The following MAP1B variants were observed in gnomAD, a reference collection of about 807,000 sequenced individuals.
MAP1B encodes the protein microtubule associated protein 1B.
In MAP1B, 12 loss-of-function variants were observed where a neutral mutation model predicts 176.1. The ratio of observed to expected loss-of-function variants is 0.07; its 90% CI spans 0.04 to 0.11. The LOEUF is 0.11. MAP1B is among the 10% of genes least tolerant of loss of function. The pLI is 1.00. For missense variants in MAP1B, 2,523 were observed against 2,990.5 expected, an observed-to-expected ratio of 0.84 and a Z score of 3.65; for synonymous variants, 1,044 against 1,135.0, an observed-to-expected ratio of 0.92 and a Z score of 1.61.
chr5:72,196,097 C>G lies in MAP1B; in HGVS notation c.2742C>G (p.Pro914=). 2 of 1,613,922 alleles carry G rather than the reference C, an allele frequency of 1.2e-6. No homozygotes were observed. Among genetic ancestry groups the G allele is most frequent in the Non-Finnish European group, 1.7e-6 (2 of 1,179,990 alleles). The change falls in exon 5 of 7, where the codon CCC becomes CCG. Residue 914 remains proline (P), a synonymous_variant. Transcript: ENST00000296755. The surrounding 1 kb of genome is among the most constrained non-coding windows in gnomAD (Gnocchi z 5.3). ...ECEQTPEELE[P]VEKQGVDDIE... is the part of the protein sequence containing the mutation. ...AACAGACACCTGAGGAGCTGGAGCC[C>G]GTCGAGAAGCAGGGAGTAGACGACA...
chr5:72,191,930 C>A (rs567130042), intron 4 of MAP1B, among the ~76,000 whole-genome samples: 1 of 152,194 alleles, frequency 6.6e-6, no homozygotes, highest in Admixed American at 6.5e-5. Context: ...GTCTTTCTAC[C>A]TTCTGCTTCA....
chr5:72,161,880 C>A (rs1284912041), intron 2 of MAP1B, among the ~76,000 whole-genome samples: 1 of 149,760 alleles, frequency 6.7e-6, no homozygotes, highest in Non-Finnish European at 1.5e-5. Context: ...TTGCTTGAAC[C>A]CGGGAGGCGG....
chr5:72,170,231 CAAGGGCCT>C (rs56740748), intron 2 of MAP1B, among the ~76,000 whole-genome samples: 8,159 of 152,130 alleles, frequency 0.054, 494 homozygotes, highest in African/African-American at 0.15. Context: ...ATTTAAAAGC[CAAGGGCCT>C]GCATCCTATC....
rs34160030 is a variant in MAP1B, at chr5:72,199,585, G to A, written c.6230G>A (p.Arg2077His). The A allele has an allele frequency of 1.0e-4, 161 of 1,614,146 alleles. 1 individual carries two copies. Among genetic ancestry groups the A allele is most frequent in the Middle Eastern group, 8.2e-4 (5 of 6,062 alleles). Residue 2077 changes from arginine (R) to histidine (H), a missense_variant, in exon 5 of 7, where the codon CGT becomes CAT. By Grantham distance (29) the Arg-to-His change is conservative (BLOSUM62 0). Coordinates refer to ENST00000296755, the MANE Select transcript of MAP1B (RefSeq NM_005909.5). This position sits in a 1 kb window ranked among gnomAD's most constrained non-coding sequence, Gnocchi z 4.2. ...TAEKKSPSEA[R>H]QDVDLCLVSS... Reference sequence around the variant, plus strand: ...GAAAAGAAGTCCCCCTCAGAAGCCCGTCAGGATGTCGATTTATGCCTCGTG... The same window carrying A: ...GAAAAGAAGTCCCCCTCAGAAGCCCATCAGGATGTCGATTTATGCCTCGTG...
At chr5:72,175,652 G>A (rs1294439869) in intron 2 of MAP1B, among the ~76,000 whole-genome samples, 1 of 152,146 alleles carries the variant, frequency 6.6e-6, no homozygotes, top group Non-Finnish European at 1.5e-5. Flanking sequence ...AGAAAAAAAG[G>A]AAGAGGAAAA....
chr5:72,116,550 G>C, intron 2 of MAP1B: 1 of 314,314 alleles, frequency 3.2e-6, no homozygotes. Flanking sequence ...CGCTGGAGAT[G>C]TATTCATACT....
At position 72,197,534 on chromosome 5, in the gene MAP1B, A is replaced by G. The variant is rs932235657; in HGVS notation, c.4179A>G (p.Lys1393=). The G allele has an allele frequency of 1.9e-6, 3 of 1,614,066 alleles. No individual in the cohort carries two copies. The highest frequency in any genetic ancestry group is 2.7e-5 in the African/African-American group (2 of 74,912). ...PVPDSESPIE[K]VLSPLRSPPL... is the part of the protein sequence containing the mutation. ...CTGACTCAGAGTCTCCTATTGAAAA[A>G]GTTTTGTCTCCTTTACGCAGCCCGC... Residue 1393 remains lysine, a synonymous_variant, in exon 5 of 7, where the codon AAA becomes AAG. Coordinates refer to ENST00000296755, the MANE Select transcript of MAP1B (RefSeq NM_005909.5).
intron 2 of MAP1B, among the ~76,000 whole-genome samples, chr5:72,119,501 TTTG>T (rs546834038): frequency 6.6e-6 from 1 of 152,054 alleles, no homozygotes; most frequent in Non-Finnish European, 1.5e-5. Flanking sequence ...GCAACAGTCT[TTTG>T]TTGTTGTTGT....
At chr5:72,137,243 GTGAATTCAA>G (rs1445778806) in intron 2 of MAP1B, among the ~76,000 whole-genome samples, 6 of 152,148 alleles carry the variant, frequency 3.9e-5, no homozygotes, top group Admixed American at 1.3e-4. Flanking sequence ...ACATATATGA[GTGAATTCAA>G]TGACCTATTG....
chr5:72,130,443 G>T (rs1047107793), intron 2 of MAP1B, among the ~76,000 whole-genome samples: 4 of 152,210 alleles, frequency 2.6e-5, no homozygotes, highest in African/African-American at 9.6e-5. Context: ...AATGAATGAT[G>T]AGGTGTCATA....
chr5:72,165,544 A>G (rs1561303453), intron 2 of MAP1B, among the ~76,000 whole-genome samples: 4 of 152,108 alleles, frequency 2.6e-5, no homozygotes. Flanking sequence ...AGAACAACCA[A>G]CAGTCCTGTT....
intron 2 of MAP1B, among the ~76,000 whole-genome samples, chr5:72,182,817 C>T (rs1009781391): frequency 6.6e-6 from 1 of 152,152 alleles, no homozygotes; most frequent in Non-Finnish European, 1.5e-5. Flanking sequence ...TCCCACATTT[C>T]GGAGAGAACA....
rs570251775 is a variant in MAP1B at position 72,186,182 on chromosome 5, G to A, written c.370-432G>A. Among the ~76,000 whole-genome samples, 5 of 152,138 alleles carry A rather than the reference G, an allele frequency of 3.3e-5. No homozygotes were observed. The highest frequency in any genetic ancestry group is 7.4e-5 in the Non-Finnish European group (5 of 68,022). On this transcript the variant is annotated intron_variant, in intron 3 of 6. Coordinates refer to ENST00000296755, the MANE Select transcript of MAP1B (RefSeq NM_005909.5). The surrounding 1 kb of genome is among the most constrained non-coding windows in gnomAD (Gnocchi z 4.3). ...TACTGAGGAGGCCACTGGGGAACCT[G>A]GACTGTACATGGTGATTCAGCCTGT... is the stretch of plus-strand genomic sequence containing the variant.
At chr5:72,187,849 G>C (rs980323797) in intron 4 of MAP1B, among the ~76,000 whole-genome samples, 3 of 152,202 alleles carry the variant, frequency 2.0e-5, no homozygotes, top group African/African-American at 7.2e-5. Context: ...CAGCCACTGG[G>C]GTGGGGAGAA....
chr5:72,108,801 C>T (rs1392925440), intron 1 of MAP1B, among the ~76,000 whole-genome samples: 1 of 152,204 alleles, frequency 6.6e-6, no homozygotes, highest in Non-Finnish European at 1.5e-5. Flanking sequence ...CTTTGTTGCC[C>T]TGGGAGTCCC....
Position 72,208,913 on chromosome 5 carries a change from A to T in MAP1B, c.*3674A>T, listed in dbSNP as rs1182342029. The T allele has an allele frequency of 6.6e-6, 1 of 151,770 alleles. No individual in the cohort carries two copies. Among genetic ancestry groups the T allele is most frequent in the East Asian group, 1.9e-4 (1 of 5,174 alleles). 9.4% of individuals were successfully genotyped at this position (151,770 alleles called of 1,614,324 possible). On this transcript the variant is annotated 3_prime_UTR_variant, in exon 7 of 7. Coordinates refer to ENST00000296755, the MANE Select transcript of MAP1B (RefSeq NM_005909.5). ...ATAACTTTTTTTTTTTGTGCTTCAG[A>T]TTTAGAAGAAAAGATCCTGTTTCCA...
At chr5:72,140,758 A>G (rs1015496045) in intron 2 of MAP1B, among the ~76,000 whole-genome samples, 2 of 152,242 alleles carry the variant, frequency 1.3e-5, no homozygotes, top group African/African-American at 4.8e-5. Flanking sequence ...TATTACACCT[A>G]TGCAGATGAA....
intron 2 of MAP1B, among the ~76,000 whole-genome samples, chr5:72,168,338 A>G (rs929941981): frequency 1.3e-5 from 2 of 152,066 alleles, no homozygotes; most frequent in Admixed American, 6.5e-5. Context: ...GATTTGGTCC[A>G]TTTTTCTCTA....
chr5:72,138,702 A>G (rs1252581940), intron 2 of MAP1B, among the ~76,000 whole-genome samples: 2 of 152,242 alleles, frequency 1.3e-5, no homozygotes, highest in South Asian at 2.1e-4. Flanking sequence ...TATAAACCAT[A>G]TCTTCGAAGA....
Sources: allele counts gnomAD v4.1 joint callset (sites outside exome capture counted in the v4.1 genomes callset), GRCh38; gene constraint gnomAD v4.1.1; non-coding constraint Gnocchi (gnomAD v3.1); transcripts MANE v1.5; gene names NCBI Gene and HGNC (gene_info 2026-07-23, HGNC 2026-07-21).